The following CREB5 variants were observed in gnomAD, a reference collection of about 807,000 sequenced individuals.
CREB5 encodes the protein cyclic AMP-responsive element-binding protein 5.
Under a neutral mutation model 57.1 loss-of-function variants are expected in CREB5, and 19 were observed. The ratio of observed to expected loss-of-function variants is 0.33; its 90% CI spans 0.23 to 0.49. The LOEUF is 0.49. Among genes scored for constraint, CREB5 ranks in the 20% least tolerant of loss-of-function variants. The pLI is 0.99. For synonymous variants in CREB5, 238 were observed against 238.3 expected (o/e 1.00, Z 0.01); for missense variants, 579 against 671.6 (o/e 0.86, Z 1.52).
At chr7:28,486,167 C>T (rs1562749901) in intron 1 of CREB5, among the ~76,000 whole-genome samples, 1 of 152,124 alleles carries the variant, frequency 6.6e-6, no homozygotes, top group Non-Finnish European at 1.5e-5. Context: ...AATAGGTTTA[C>T]ATTTTAAAAT....
At chr7:28,808,866 T>C (rs1279323695) in intron 8 of CREB5, among the ~76,000 whole-genome samples, 3 of 152,110 alleles carry the variant, frequency 2.0e-5, no homozygotes, top group African/African-American at 7.2e-5. Context: ...ACATTTTTAA[T>C]AGTTGAAGGA....
chr7:28,453,303 G>T (rs1463672737), intron 1 of CREB5, among the ~76,000 whole-genome samples: 1 of 152,216 alleles, frequency 6.6e-6, no homozygotes, highest in South Asian at 2.1e-4. Context: ...GCTGGGCATG[G>T]TGGCACACGC....
chr7:28,606,574 T>C (rs1797138977), intron 5 of CREB5, among the ~76,000 whole-genome samples: 1 of 152,234 alleles, frequency 6.6e-6, no homozygotes, highest in Non-Finnish European at 1.5e-5. Context: ...AAAAGGCTCT[T>C]ATCAGAACTG....
At chr7:28,660,381 GTTT>G (rs10696255) in intron 5 of CREB5, among the ~76,000 whole-genome samples, 16 of 119,254 alleles carry the variant, frequency 1.3e-4, no homozygotes, top group Non-Finnish European at 2.5e-4. Context: ...GCATTCAACA[GTTT>G]TTTTTTTTTT....
intron 5 of CREB5, among the ~76,000 whole-genome samples, chr7:28,575,107 G>A (rs1379009559): frequency 1.3e-5 from 2 of 152,164 alleles, no homozygotes; most frequent in Non-Finnish European, 2.9e-5. Context: ...GATGCTATGT[G>A]TCATGCAGAA....
At chr7:28,318,860 A>G (rs1785432898) in intron 1 of CREB5, among the ~76,000 whole-genome samples, 1 of 152,246 alleles carries the variant, frequency 6.6e-6, no homozygotes, top group South Asian at 2.1e-4. Flanking sequence ...TAGATTGATA[A>G]TATAACACCT....
chr7:28,761,645 A>G (rs1357794360), intron 7 of CREB5, among the ~76,000 whole-genome samples: 1 of 152,052 alleles, frequency 6.6e-6, no homozygotes, highest in African/African-American at 2.4e-5. Context: ...GGCTGGAGCA[A>G]GTCATATAGC....
chr7:28,812,336 T>C (rs1053024668), intron 9 of CREB5, among the ~76,000 whole-genome samples: 3 of 152,242 alleles, frequency 2.0e-5, no homozygotes, highest in African/African-American at 7.2e-5. Context: ...AAAGTAAAGA[T>C]GTCCACAGAC....
At chr7:28,673,551 T>C (rs1442188878) in intron 5 of CREB5, among the ~76,000 whole-genome samples, 1 of 152,088 alleles carries the variant, frequency 6.6e-6, no homozygotes, top group East Asian at 1.9e-4. Flanking sequence ...AAAGAAGGTC[T>C]ACATCTCATG....
At chr7:28,619,492 T>C (rs567252984) in intron 5 of CREB5, among the ~76,000 whole-genome samples, 1 of 152,278 alleles carries the variant, frequency 6.6e-6, no homozygotes, top group East Asian at 1.9e-4. Context: ...TTTCCGTCAT[T>C]CTACACTGAG....
chr7:28,733,526 C>T (rs1803787728), intron 7 of CREB5, among the ~76,000 whole-genome samples: 1 of 152,230 alleles, frequency 6.6e-6, no homozygotes, highest in Non-Finnish European at 1.5e-5. Context: ...GCAAACTCCA[C>T]TCCTTTTGTC....
chr7:28,345,064 G>A (rs886434875), intron 1 of CREB5, among the ~76,000 whole-genome samples: 1 of 152,168 alleles, frequency 6.6e-6, no homozygotes, highest in African/African-American at 2.4e-5. Flanking sequence ...AATAATAGTA[G>A]GGGACTTTAA....
intron 7 of CREB5, among the ~76,000 whole-genome samples, chr7:28,773,339 G>C (rs201643136): frequency 6.6e-6 from 1 of 152,168 alleles, no homozygotes; most frequent in East Asian, 1.9e-4. Flanking sequence ...ACTCAAGGAA[G>C]TAGTTTTCAG....
chr7:28,798,970 G>C (rs1001050938), intron 7 of CREB5, among the ~76,000 whole-genome samples: 1 of 152,164 alleles, frequency 6.6e-6, no homozygotes, highest in East Asian at 1.9e-4. Context: ...CCCATTTACT[G>C]GTCATTTATC....
intron 1 of CREB5, among the ~76,000 whole-genome samples, chr7:28,436,885 A>G (rs909376383): frequency 1.3e-5 from 2 of 152,180 alleles, no homozygotes; most frequent in African/African-American, 4.8e-5. Flanking sequence ...TCTGCTACAT[A>G]AAATTCTACA....
chr7:28,776,181 C>CA (rs1282440775), intron 7 of CREB5, among the ~76,000 whole-genome samples: 1 of 151,616 alleles, frequency 6.6e-6, no homozygotes, highest in East Asian at 1.9e-4. Context: ...ACTAAAAATC[C>CA]AAAAAAATTA....
At chr7:28,547,437 A>AC (rs1794464229) in intron 4 of CREB5, among the ~76,000 whole-genome samples, 1 of 152,150 alleles carries the variant, frequency 6.6e-6, no homozygotes, top group South Asian at 2.1e-4. Flanking sequence ...TAGGCTGGAA[A>AC]CTCAGGTAAA....
At chr7:28,612,180 C>T (rs914233040) in intron 5 of CREB5, among the ~76,000 whole-genome samples, 3 of 152,160 alleles carry the variant, frequency 2.0e-5, no homozygotes, top group African/African-American at 4.8e-5. Context: ...TACCTAGCTT[C>T]ATGCTGACTC....
In CREB5 at chr7:28,824,449, G is replaced by A. The variant is rs1485695928; in HGVS notation, c.*5170G>A. On this transcript the variant is annotated 3_prime_UTR_variant, in exon 11 of 11. Transcript: ENST00000357727. ...CCACTGAAAGAACAGTGGCCCTATC[G>A]ATTTCATTCCTAGGTCTCAAAAATA... 4.6e-5 allele frequency: 7 copies of A among 152,476 alleles called. No individual in the cohort carries two copies. The East Asian group carries it at 5.8e-4, about 13-fold the overall frequency. The allele number at this position is 152,476 out of a possible 1,614,324, so 9.4% of individuals were successfully genotyped here.
Sources: gnomAD v4.1 joint callset for allele counts (sites outside exome capture counted in the v4.1 genomes callset) on GRCh38, gnomAD v4.1.1 for gene constraint, MANE v1.5 for transcripts, NCBI Gene and HGNC (gene_info 2026-07-23, HGNC 2026-07-21) for gene names.